LYST: variants seen among roughly 807,000 people sequenced by gnomAD.
The protein encoded by LYST is lysosomal trafficking regulator.
Under a neutral mutation model 413.6 loss-of-function variants are expected in LYST, and 192 were observed. The observed-to-expected ratio is 0.46, with a 90% CI of 0.41 to 0.52. The LOEUF (loss-of-function observed/expected upper bound fraction) is 0.52, where lower values mean the gene tolerates loss of function less well. Among genes scored for constraint, LYST ranks in the 20% least tolerant of loss-of-function variants. LYST has a pLI of 0.00. For missense variants in LYST, 3,815 were observed against 4,499.9 expected, an observed-to-expected ratio of 0.85 and a Z score of 4.35; for synonymous variants, 1,525 against 1,567.3, an observed-to-expected ratio of 0.97 and a Z score of 0.64.
At position 235,674,201 on chromosome 1, in the gene LYST, C is replaced by A. The variant is rs567558874; in HGVS notation, c.11038+2890G>T. On this transcript the variant is annotated intron_variant, in intron 50 of 52. Transcript: ENST00000389793. This position sits in a 1 kb window ranked among gnomAD's most constrained non-coding sequence, Gnocchi z 4.1. ...TATTTGGCATTCCTTGGAAGCCTAA[C>A]AGGACGCAGTGAATCTAAGCCTTTT... 4.6e-5 allele frequency among the ~76,000 whole-genome samples: 7 copies of A among 152,264 alleles called. No individual in the cohort carries two copies. The South Asian group carries it at 1.2e-3, about 27-fold the overall frequency.
At position 235,741,419 on chromosome 1, in the gene LYST, T is replaced by C. The variant is rs755582880; in HGVS notation, c.8358+3A>G. 1.2e-6 allele frequency: 2 copies of C among 1,610,182 alleles called. No homozygotes were observed. Among genetic ancestry groups the C allele is most frequent in the South Asian group, 2.2e-5 (2 of 90,964 alleles). On this transcript the variant is annotated splice_donor_region_variant and intron_variant, in intron 31 of 52. Transcript: ENST00000389793. ...CTTCTCTTATCAAAGCTGAGATACT[T>C]ACTTGTAGGGATGGGCTGAGACAGT...
intron 2 of LYST, among the ~76,000 whole-genome samples, chr1:235,832,784 T>C (rs1676131141): frequency 6.6e-6 from 1 of 152,144 alleles, no homozygotes; most frequent in South Asian, 2.1e-4. Flanking sequence ...TTCCTTGAAG[T>C]AGAAATTGCC....
At chr1:235,774,018 A>G in intron 18 of LYST, 27 bp from the exon 19 acceptor site, 1 of 1,502,116 alleles carries the variant, frequency 6.7e-7, no homozygotes, top group Non-Finnish European at 9.3e-7. Flanking sequence ...TTAATATAAG[A>G]TGCATTAGTA....
Position 235,845,836 on chromosome 1 carries a change from C to G in LYST, c.-97-12169G>C. 1.3e-5 allele frequency among the ~76,000 whole-genome samples: 2 copies of G among 152,110 alleles called. 1 individual carries two copies. The highest frequency in any genetic ancestry group is 3.9e-4 in the East Asian group (2 of 5,190). On this transcript the variant is annotated intron_variant, in intron 1 of 52. Transcript: ENST00000389793. Reference sequence around the variant, plus strand: ...TTCCCCACAGCAGCCCCAGCACGACCCAACCAAGGAGCTGCTGAGCTCATA... The same window carrying G: ...TTCCCCACAGCAGCCCCAGCACGACGCAACCAAGGAGCTGCTGAGCTCATA...
At chr1:235,780,446 G>T (rs1260255043) in intron 16 of LYST, among the ~76,000 whole-genome samples, 1 of 151,388 alleles carries the variant, frequency 6.6e-6, no homozygotes, top group Non-Finnish European at 1.5e-5. Context: ...GGTTTTCTAA[G>T]ACCTGAATAC....
At chr1:235,699,997 C>T (rs563467312) in intron 45 of LYST, among the ~76,000 whole-genome samples, 412 of 152,250 alleles carry the variant, frequency 2.7e-3, no homozygotes, top group Non-Finnish European at 4.2e-3. Context: ...AAAGGATTCC[C>T]TATTTAATAA....
At position 235,759,140 on chromosome 1, in the gene LYST, C is replaced by A. The variant is rs1035232599; in HGVS notation, c.6713G>T (p.Arg2238Leu). The change falls in exon 23 of 53, where the codon CGA (arginine) becomes CTA (leucine). Residue 2238 changes from arginine to leucine, a missense_variant. Transcript: ENST00000389793. ...DYLKGLASFQRSHSTIASLGL... is the reference protein window; with the variant it reads ...DYLKGLASFQLSHSTIASLGL... The stretch of plus-strand genomic sequence containing the variant: ...AAGGCTTGCAATAGTGCTGTGGCTT[C>A]GCTGGAAGGAGGCCAATCCCTTTAG... 1.2e-6 allele frequency: 2 copies of A among 1,614,168 alleles called. No homozygotes were observed. Among genetic ancestry groups the A allele is most frequent in the East Asian group, 4.5e-5 (2 of 44,882 alleles).
At chr1:235,882,508 A>T (rs1267463281) in intron 1 of LYST, among the ~76,000 whole-genome samples, 1 of 152,126 alleles carries the variant, frequency 6.6e-6, no homozygotes, top group Non-Finnish European at 1.5e-5. Flanking sequence ...AGAGGATTGG[A>T]GGTGAAAGGG....
At chr1:235,695,789 C>G (rs370871996) in intron 46 of LYST, among the ~76,000 whole-genome samples, 5 of 151,820 alleles carry the variant, frequency 3.3e-5, no homozygotes, top group Admixed American at 1.3e-4. Context: ...CCCGCCACCA[C>G]GCCCGGCTAA....
chr1:235,668,777 A>T (rs946202112), intron 50 of LYST, among the ~76,000 whole-genome samples: 1 of 152,232 alleles, frequency 6.6e-6, no homozygotes, highest in African/African-American at 2.4e-5. Context: ...TTGATATGAC[A>T]CACTAAAAGC....
intron 16 of LYST, 44 bp downstream of exon 16, chr1:235,780,821 A>G (rs1669791355): frequency 1.3e-6 from 1 of 784,578 alleles, no homozygotes; most frequent in Non-Finnish European, 2.0e-6. Flanking sequence ...AATATACCTA[A>G]ATACATTTAC....
chr1:235,686,210 T>C lies in LYST; in HGVS notation c.10800+739A>G, dbSNP rs1296778361. Among the ~76,000 whole-genome samples the C allele has an allele frequency of 6.6e-6, 1 of 151,494 alleles. No homozygotes were observed. Among genetic ancestry groups the C allele is most frequent in the Non-Finnish European group, 1.5e-5 (1 of 67,914 alleles). On this transcript the variant is annotated intron_variant, in intron 48 of 52. Coordinates refer to ENST00000389793, the MANE Select transcript of LYST (RefSeq NM_000081.4). The surrounding 1 kb of genome is among the most constrained non-coding windows in gnomAD (Gnocchi z 4.0). ...GGCAAAACCCCATCTCTACTAAAACTACAAAACTTGGCCGGGCGTGGTGGC... is the reference window on the plus strand; with the variant it reads ...GGCAAAACCCCATCTCTACTAAAACCACAAAACTTGGCCGGGCGTGGTGGC...
chr1:235,870,340 CCAAT>C (rs1195753823), upstream of LYST, among the ~76,000 whole-genome samples: 3 of 152,156 alleles, frequency 2.0e-5, no homozygotes, highest in Non-Finnish European at 4.4e-5. Context: ...TGAGTTTTGG[CCAAT>C]CAAATGTAGC....
chr1:235,825,207 T>C (rs2102973523), intron 3 of LYST, among the ~76,000 whole-genome samples: 1 of 152,276 alleles, frequency 6.6e-6, no homozygotes, highest in African/African-American at 2.4e-5. Context: ...ATTCCCTCAT[T>C]CTGATAAAAG....
chr1:235,802,902 T>C lies in LYST; in HGVS notation c.3712+6A>G. 2.5e-6 allele frequency: 4 copies of C among 1,613,050 alleles called. No individual in the cohort carries two copies. Among genetic ancestry groups the C allele is most frequent in the East Asian group, 4.5e-5 (2 of 44,772 alleles). ...TCTAATTACAAGCACTTCAATGATA[T>C]TTTACCATCATCCTGGGTTTCGCCA... On this transcript the variant is annotated splice_donor_region_variant and intron_variant, in intron 8 of 52. Transcript: ENST00000389793.
chr1:235,822,485 C>G (rs1674856188), intron 3 of LYST, among the ~76,000 whole-genome samples: 1 of 152,160 alleles, frequency 6.6e-6, no homozygotes, highest in South Asian at 2.1e-4. Context: ...ACAAGTTTCT[C>G]AATCAAGAAG....
intron 20 of LYST, among the ~76,000 whole-genome samples, chr1:235,766,933 C>T (rs1490852764): frequency 6.6e-6 from 1 of 151,954 alleles, no homozygotes; most frequent in African/African-American, 2.4e-5. Context: ...TTCACAACAG[C>T]TCTATGAGAG....
At chr1:235,844,203 A>G (rs1677530978) in intron 1 of LYST, among the ~76,000 whole-genome samples, 1 of 152,226 alleles carries the variant, frequency 6.6e-6, no homozygotes, top group South Asian at 2.1e-4. Context: ...ATTGATTAGC[A>G]ACTTTCTCAA....
chr1:235,755,724 T>A (rs750413394), intron 24 of LYST, 77 bp from the exon 25 acceptor site: 1 of 806,290 alleles, frequency 1.2e-6, no homozygotes, highest in Non-Finnish European at 2.1e-6. Context: ...GTAACACAAC[T>A]GTATTTGTAA....
Sources: allele counts gnomAD v4.1 joint callset (sites outside exome capture counted in the v4.1 genomes callset), GRCh38; gene constraint gnomAD v4.1.1; non-coding constraint Gnocchi (gnomAD v3.1); transcripts MANE v1.5; gene names NCBI Gene and HGNC (gene_info 2026-07-23, HGNC 2026-07-21).